The following CSMD1 variants were observed in gnomAD, a reference collection of about 807,000 sequenced individuals.
The protein encoded by CSMD1 is CUB and sushi domain-containing protein 1.
CSMD1 carries 213 observed loss-of-function variants against 417.5 expected under a neutral mutation model. That is an observed-to-expected ratio of 0.51 (90% CI 0.46 to 0.57). The LOEUF (loss-of-function observed/expected upper bound fraction) is 0.57. Ranked by LOEUF, CSMD1 falls within the 20% of genes least tolerant of loss-of-function variation. The probability of loss-of-function intolerance (pLI) is 0.00; values close to 1 mark genes in which losing one functional copy is unlikely to be tolerated. For synonymous variants in CSMD1, 2,862 were observed against 1,736.8 expected (o/e 1.65, Z -16.11); for missense variants, 6,923 against 4,529.7 (o/e 1.53, Z -15.17).
Position 4,144,861 on chromosome 8 carries a change from T to G in CSMD1, c.416-112762A>C, listed in dbSNP as rs565321370. ...AATGCAGGGAACCAGGGGAATTGTG[T>G]CCCTGGGAGAAGCTGAAATAGAACT... On this transcript the variant is annotated intron_variant, in intron 3 of 69. Transcript: ENST00000635120. Among the ~76,000 whole-genome samples the G allele has an allele frequency of 5.3e-5, 8 of 150,938 alleles. No individual in the cohort carries two copies. The South Asian group carries it at 1.5e-3, about 27-fold the overall frequency.
intron 36 of CSMD1, among the ~76,000 whole-genome samples, chr8:3,186,473 C>A (rs929633335): frequency 6.6e-6 from 1 of 152,240 alleles, no homozygotes; most frequent in East Asian, 1.9e-4. Flanking sequence ...ACTTTATTCC[C>A]AACACCTTAA....
chr8:3,553,526 G>T (rs758525889), intron 10 of CSMD1, among the ~76,000 whole-genome samples: 1 of 152,146 alleles, frequency 6.6e-6, no homozygotes, highest in Non-Finnish European at 1.5e-5. Flanking sequence ...GTAGAAGCAG[G>T]ATTGCTGCCG....
intron 2 of CSMD1, among the ~76,000 whole-genome samples, chr8:4,468,044 G>A (rs1402387137): frequency 2.0e-5 from 3 of 149,174 alleles, no homozygotes; most frequent in Non-Finnish European, 4.4e-5. Flanking sequence ...TACTCAACAG[G>A]CCCTGCCTCC....
intron 3 of CSMD1, among the ~76,000 whole-genome samples, chr8:4,123,970 C>A (rs1289988297): frequency 6.6e-6 from 1 of 151,998 alleles, no homozygotes; most frequent in African/African-American, 2.4e-5. Flanking sequence ...AAAAAAGTTT[C>A]TGATGTACAG....
In CSMD1 at chr8:3,225,342, G is replaced by A. The variant is rs77825185; in HGVS notation, c.4346-1475C>T. Among the ~76,000 whole-genome samples the A allele has an allele frequency of 3.9e-3, 593 of 150,256 alleles. 5 individuals are homozygous for A. The highest frequency in any genetic ancestry group is 0.014 in the African/African-American group (564 of 40,954). Reference sequence around the variant, plus strand: ...ACAGATATACGTTCAAGAGTAATATGATATAATTTTTACAGAAAAAGATTA... The same window carrying A: ...ACAGATATACGTTCAAGAGTAATATAATATAATTTTTACAGAAAAAGATTA... On this transcript the variant is annotated intron_variant, in intron 27 of 69. Coordinates refer to ENST00000635120, the MANE Select transcript of CSMD1 (RefSeq NM_033225.6).
chr8:3,913,456 C>A (rs1212502989), intron 5 of CSMD1, among the ~76,000 whole-genome samples: 1 of 152,152 alleles, frequency 6.6e-6, no homozygotes, highest in African/African-American at 2.4e-5. Context: ...AATGTAACCT[C>A]CAGACTGGAA....
Position 3,859,476 on chromosome 8 carries a change from G to T in CSMD1, c.819-105434C>A, listed in dbSNP as rs2975369. 2.9e-3 allele frequency among the ~76,000 whole-genome samples: 449 copies of T among 152,300 alleles called. 3 individuals are homozygous for T. Among genetic ancestry groups the T allele is most frequent in the African/African-American group, 0.011 (442 of 41,564 alleles). Reference sequence around the variant, plus strand: ...GGACTTTGTGCTTGGTTTCTGGGAGGAGAATCTTTGCCATACTTATATCTT... The same window carrying T: ...GGACTTTGTGCTTGGTTTCTGGGAGTAGAATCTTTGCCATACTTATATCTT... On this transcript the variant is annotated intron_variant, in intron 5 of 69. Transcript: ENST00000635120.
At chr8:4,325,436 C>T (rs921467474) in intron 3 of CSMD1, among the ~76,000 whole-genome samples, 1 of 152,166 alleles carries the variant, frequency 6.6e-6, no homozygotes, top group Non-Finnish European at 1.5e-5. Context: ...CCAGGCAATA[C>T]ATGGTATTTA....
intron 3 of CSMD1, among the ~76,000 whole-genome samples, chr8:4,046,468 A>G (rs1180738716): frequency 6.6e-6 from 1 of 152,224 alleles, no homozygotes; most frequent in East Asian, 1.9e-4. Flanking sequence ...CTCAAGCTTC[A>G]TGAAAAGAGT....
intron 9 of CSMD1, among the ~76,000 whole-genome samples, chr8:3,577,239 GC>G (rs1800188019): frequency 6.6e-6 from 1 of 151,736 alleles, no homozygotes; most frequent in Non-Finnish European, 1.5e-5. Context: ...TGCATCTCAT[GC>G]ATCATATTTT....
chr8:4,503,364 A>T (rs1283672695), intron 2 of CSMD1, among the ~76,000 whole-genome samples: 1 of 152,188 alleles, frequency 6.6e-6, no homozygotes, highest in Non-Finnish European at 1.5e-5. Flanking sequence ...GCCTACCATC[A>T]TACTCAACTT....
chr8:3,802,748 G>C (rs532469538), intron 5 of CSMD1, among the ~76,000 whole-genome samples: 1 of 152,094 alleles, frequency 6.6e-6, no homozygotes, highest in African/African-American at 2.4e-5. Flanking sequence ...TCCCAAAAGC[G>C]TGATGCAAAT....
chr8:4,730,733 T>A (rs1362190550), intron 1 of CSMD1, among the ~76,000 whole-genome samples: 1 of 149,990 alleles, frequency 6.7e-6, no homozygotes, highest in African/African-American at 2.5e-5. Context: ...AGAGCGAGAC[T>A]CCATTTCAAA....
intron 5 of CSMD1, among the ~76,000 whole-genome samples, chr8:3,951,026 G>T (rs368218639): frequency 6.6e-6 from 1 of 152,172 alleles, no homozygotes; most frequent in East Asian, 1.9e-4. Flanking sequence ...ATCTACAAAA[G>T]TCACTTTAGT....
chr8:4,684,881 A>G (rs1342579706), intron 1 of CSMD1, among the ~76,000 whole-genome samples: 1 of 152,206 alleles, frequency 6.6e-6, no homozygotes, highest in Admixed American at 6.5e-5. Flanking sequence ...TCTTCTACTA[A>G]TCAATCACTT....
At chr8:4,023,566 T>C (rs988492069) in intron 4 of CSMD1, among the ~76,000 whole-genome samples, 1 of 149,422 alleles carries the variant, frequency 6.7e-6, no homozygotes, top group East Asian at 2.0e-4. Context: ...AAAATATGAA[T>C]GCTTACTGCT....
chr8:4,891,063 G>A (rs1275667287), intron 1 of CSMD1, among the ~76,000 whole-genome samples: 1 of 152,120 alleles, frequency 6.6e-6, no homozygotes, highest in East Asian at 1.9e-4. Context: ...CAAATTAATA[G>A]TTAATAGAAT....
intron 4 of CSMD1, among the ~76,000 whole-genome samples, chr8:4,008,931 G>A (rs1417637210): frequency 6.6e-6 from 1 of 152,076 alleles, no homozygotes; most frequent in East Asian, 1.9e-4. Flanking sequence ...TTTCTAAATT[G>A]TGCTCCTATG....
intron 1 of CSMD1, among the ~76,000 whole-genome samples, chr8:4,770,668 G>T (rs943418225): frequency 2.0e-5 from 3 of 152,018 alleles, no homozygotes; most frequent in Admixed American, 6.6e-5. Flanking sequence ...AGCATATATG[G>T]TCAGCTAATT....
Sources: allele counts gnomAD v4.1 joint callset (sites outside exome capture counted in the v4.1 genomes callset), GRCh38; gene constraint gnomAD v4.1.1; transcripts MANE v1.5; gene names NCBI Gene and HGNC (gene_info 2026-07-23, HGNC 2026-07-21).